The following PRKG2 variants were observed in gnomAD, a reference collection of about 807,000 sequenced individuals.
PRKG2 encodes the protein protein kinase cGMP-dependent 2.
PRKG2 carries 33 observed loss-of-function variants against 97.2 expected under a neutral mutation model. The ratio of observed to expected loss-of-function variants is 0.34; its 90% CI spans 0.26 to 0.45. The LOEUF (loss-of-function observed/expected upper bound fraction) is 0.45. Ranked by LOEUF, PRKG2 falls within the 20% of genes least tolerant of loss-of-function variation. The pLI is 1.00. For missense variants in PRKG2, 638 were observed against 900.0 expected (o/e 0.71, Z 3.73); for synonymous variants, 330 against 321.8 (o/e 1.03, Z -0.27).
At chr4:81,211,256 G>T (rs1753957072) in intron 1 of PRKG2, among the ~76,000 whole-genome samples, 1 of 152,158 alleles carries the variant, frequency 6.6e-6, no homozygotes, top group Admixed American at 6.5e-5. Context: ...GATGAAAGAT[G>T]TTAAGAGCAG....
rs757292275 is a variant in PRKG2, at chr4:81,204,907, C to A, written c.141G>T (p.Arg47=). The A allele has an allele frequency of 6.2e-7, 1 of 1,614,168 alleles. No individual in the cohort carries two copies. The highest frequency in any genetic ancestry group is 1.7e-5 in the Admixed American group (1 of 60,024). The change falls in exon 2 of 19, where the codon CGG becomes CGT. Residue 47 remains arginine, a synonymous_variant. Coordinates refer to ENST00000264399, the MANE Select transcript of PRKG2 (RefSeq NM_006259.3). ...CCCGCAGCTCCTTCAAATGGTACTCCCGCTCCTGGATCTCAGCATCCTTCC... is the reference window on the plus strand; with the variant it reads ...CCCGCAGCTCCTTCAAATGGTACTCACGCTCCTGGATCTCAGCATCCTTCC... The part of the protein sequence containing the change: ...LRRKDAEIQE[R]EYHLKELREQ...
At position 81,105,919 on chromosome 4, in the gene PRKG2, C is replaced by T. The variant is rs761702360; in HGVS notation, c.1957G>A (p.Val653Ile). The T allele has an allele frequency of 2.5e-6, 4 of 1,613,548 alleles. No individual in the cohort carries two copies. Among genetic ancestry groups the T allele is most frequent in the Admixed American group, 1.7e-5 (1 of 59,992 alleles). The change falls in exon 16 of 19, where the codon GTT becomes ATT. Residue 653 changes from valine (V) to isoleucine (I), a missense_variant. Val to Ile is a conservative substitution (Grantham distance 29, BLOSUM62 3). Coordinates refer to ENST00000264399, the MANE Select transcript of PRKG2 (RefSeq NM_006259.3). ...LLTGNPPFSG[V>I]DQMMTYNLIL... Reference sequence around the variant, plus strand: ...AAATTGTAGGTCATCATTTGGTCAACCCCAGAAAAGGGTGGGCTAGATAGA... The same window carrying T: ...AAATTGTAGGTCATCATTTGGTCAATCCCAGAAAAGGGTGGGCTAGATAGA...
chr4:81,156,391 A>G (rs1011175825), intron 6 of PRKG2, among the ~76,000 whole-genome samples: 1 of 152,360 alleles, frequency 6.6e-6, no homozygotes, highest in Admixed American at 6.5e-5. Context: ...TATCCTAAAT[A>G]TATATGCACC....
intron 10 of PRKG2, 149 bp downstream of exon 10, chr4:81,144,083 G>A (rs1747563125): frequency 1.6e-6 from 1 of 615,778 alleles, no homozygotes; most frequent in South Asian, 2.2e-5. Context: ...TGTTGTCTTT[G>A]TGGAAGAACA....
At chr4:81,216,891 T>TTTTG (rs1168402805), upstream of PRKG2, among the ~76,000 whole-genome samples, 17 of 131,494 alleles carry the variant, frequency 1.3e-4, no homozygotes, top group Admixed American at 7.7e-4. Flanking sequence ...TAGTATTCCA[T>TTTTG]TGTGTGTGTG....
intron 6 of PRKG2, among the ~76,000 whole-genome samples, chr4:81,162,542 A>G (rs997864050): frequency 1.3e-5 from 2 of 152,136 alleles, no homozygotes; most frequent in Non-Finnish European, 2.9e-5. Context: ...TGTGGAGCCA[A>G]TTGGGACTAT....
chr4:81,202,191 T>C (rs562614098), intron 2 of PRKG2, among the ~76,000 whole-genome samples: 18 of 152,342 alleles, frequency 1.2e-4, no homozygotes, highest in African/African-American at 3.8e-4. Flanking sequence ...ACAGGCTGTA[T>C]AATATAAAAG....
chr4:81,107,293 CG>C (rs1743443727), intron 15 of PRKG2, among the ~76,000 whole-genome samples: 1 of 151,930 alleles, frequency 6.6e-6, no homozygotes, highest in Non-Finnish European at 1.5e-5. Flanking sequence ...GTGTGACTTG[CG>C]GAGTCATCAG....
At chr4:81,119,621 T>C (rs563000252) in intron 14 of PRKG2, among the ~76,000 whole-genome samples, 58 of 152,236 alleles carry the variant, frequency 3.8e-4, no homozygotes, top group African/African-American at 1.3e-3. Flanking sequence ...AATTTTAGAA[T>C]GAGTTTCTCA....
chr4:81,099,058 A>G (rs994865881), intron 17 of PRKG2, among the ~76,000 whole-genome samples: 12 of 152,184 alleles, frequency 7.9e-5, no homozygotes, highest in African/African-American at 2.7e-4. Flanking sequence ...GAAAGATGTC[A>G]TTGTACCTTA....
At chr4:81,177,869 A>T (rs368749275) in intron 2 of PRKG2, among the ~76,000 whole-genome samples, 1 of 151,852 alleles carries the variant, frequency 6.6e-6, no homozygotes, top group East Asian at 2.0e-4. Flanking sequence ...TAGAGTCATG[A>T]TCTACAAGAG....
At chr4:81,130,014 T>C (rs1465854035) in intron 14 of PRKG2, among the ~76,000 whole-genome samples, 1 of 152,218 alleles carries the variant, frequency 6.6e-6, no homozygotes, top group East Asian at 1.9e-4. Context: ...GAAGTTCTTG[T>C]AAGGCAGTCC....
intron 14 of PRKG2, among the ~76,000 whole-genome samples, chr4:81,124,275 A>G (rs756195383): frequency 6.6e-6 from 1 of 152,188 alleles, no homozygotes; most frequent in Non-Finnish European, 1.5e-5. Context: ...TGTCAGCTGA[A>G]AGCTTAATTT....
chr4:81,159,533 T>C (rs541469017), intron 6 of PRKG2, among the ~76,000 whole-genome samples: 3 of 152,220 alleles, frequency 2.0e-5, no homozygotes, highest in Admixed American at 1.3e-4. Context: ...AGTTCAACCA[T>C]TGTGGAAGTC....
rs1217329177 is a variant in PRKG2 at position 81,089,538 on chromosome 4, A to G, written c.*170T>C. ...TCACAGCATCTAAATAAGACACTAT[A>G]ACTCAGAACCATATCCACACCATTC... On this transcript the variant is annotated 3_prime_UTR_variant, in exon 19 of 19. Coordinates refer to ENST00000264399, the MANE Select transcript of PRKG2 (RefSeq NM_006259.3). The G allele has an allele frequency of 3.9e-6, 2 of 516,934 alleles. No individual in the cohort carries two copies. The allele number at this position is 516,934 out of a possible 1,614,324, so 32.0% of individuals were successfully genotyped here. A position where few individuals can be genotyped will look rare whatever the true frequency, so the allele number is the denominator to read the frequency against.
At chr4:81,103,153 G>C (rs1234292732) in intron 17 of PRKG2, among the ~76,000 whole-genome samples, 1 of 152,152 alleles carries the variant, frequency 6.6e-6, no homozygotes, top group Non-Finnish European at 1.5e-5. Flanking sequence ...ATACATCAGA[G>C]AGGATGTCTT....
intron 2 of PRKG2, among the ~76,000 whole-genome samples, chr4:81,191,259 A>T (rs1752490084): frequency 6.6e-6 from 1 of 152,200 alleles, no homozygotes; most frequent in Admixed American, 6.5e-5. Flanking sequence ...AGCCATAAAA[A>T]AGGATGAGTT....
chr4:81,163,323 T>G (rs528907626), intron 6 of PRKG2, among the ~76,000 whole-genome samples: 10 of 152,074 alleles, frequency 6.6e-5, no homozygotes, highest in Middle Eastern at 3.4e-3. Context: ...GAAATGCAAA[T>G]AGTGTGGTTA....
At chr4:81,147,881 T>C (rs1180122270) in intron 9 of PRKG2, among the ~76,000 whole-genome samples, 1 of 152,142 alleles carries the variant, frequency 6.6e-6, no homozygotes, top group African/African-American at 2.4e-5. Flanking sequence ...CTAAAATGTA[T>C]AGATAAAATA....
Sources: allele counts gnomAD v4.1 joint callset (sites outside exome capture counted in the v4.1 genomes callset), GRCh38; gene constraint gnomAD v4.1.1; transcripts MANE v1.5; gene names NCBI Gene and HGNC (gene_info 2026-07-23, HGNC 2026-07-21).